The following TBC1D10C variants were observed in gnomAD, a reference collection of about 807,000 sequenced individuals.
The protein encoded by TBC1D10C is carabin.
In TBC1D10C, 49 loss-of-function variants were observed where a neutral mutation model predicts 51.0. The ratio of observed to expected loss-of-function variants is 0.96; its 90% CI spans 0.76 to 1.22. The LOEUF is 1.22. Ranked by LOEUF, TBC1D10C falls within the 50% of genes most tolerant of loss-of-function variation. The pLI is 0.00. For missense variants in TBC1D10C, 541 were observed against 617.5 expected, an observed-to-expected ratio of 0.88 and a Z score of 1.31; for synonymous variants, 281 against 266.7, an observed-to-expected ratio of 1.05 and a Z score of -0.52.
At chr11:67,409,351 A>C in intron 8 of TBC1D10C, 56 bp from the exon 9 acceptor site, 1 of 1,513,874 alleles carries the variant, frequency 6.6e-7, no homozygotes, top group South Asian at 1.2e-5. Flanking sequence ...GGGACCTCAC[A>C]GTTTCCTGTT....
rs1863053980 is a variant in TBC1D10C, at chr11:67,404,355, G to A, written c.152+1G>A. 1.9e-6 allele frequency: 3 copies of A among 1,572,740 alleles called. No homozygotes were observed. Among genetic ancestry groups the A allele is most frequent in the Non-Finnish European group, 2.6e-6 (3 of 1,152,786 alleles). ...TTGGGGGCAGCTCAGCAGAGCCAGG[G>A]TAAGGGGGCAGGGTGAGGGCTGGCG... On this transcript the variant is annotated splice_donor_variant, in intron 1 of 8. Transcript: ENST00000542590. LOFTEE classifies it high-confidence loss of function.
chr11:67,406,829 G>A lies in TBC1D10C; in HGVS notation c.651G>A (p.Glu217=), dbSNP rs750768580. Reference sequence around the variant, plus strand: ...CCTGCTGATGGACGTGGCCACAGGAGGCTGTGCGGCTGGACGCCGAGGTGT... The same window carrying A: ...CCTGCTGATGGACGTGGCCACAGGAAGCTGTGCGGCTGGACGCCGAGGTGT... ...YLPGYYGPHM[E]AVRLDAEVFM... The change falls in exon 7 of 9, where the codon GAG becomes GAA. Residue 217 remains glutamate, a splice_region_variant and synonymous_variant. Coordinates refer to ENST00000542590, the MANE Select transcript of TBC1D10C (RefSeq NM_001369496.1). 1 of 1,608,326 alleles carries A rather than the reference G, an allele frequency of 6.2e-7. No individual in the cohort carries two copies.
Position 67,405,597 on chromosome 11 carries a change from G to C in TBC1D10C, c.363G>C (p.Glu121Asp). Residue 121 changes from glutamate (E) to aspartate (D), a missense_variant and splice_region_variant, in exon 4 of 9, where the codon GAG becomes GAC. Physicochemically the swap from Glu to Asp is conservative, Grantham distance 45 (BLOSUM62 2). Coordinates refer to ENST00000542590, the MANE Select transcript of TBC1D10C (RefSeq NM_001369496.1). ...CQKNSPGTYQELAEAPGDPQW... is the reference protein window; with the variant it reads ...CQKNSPGTYQDLAEAPGDPQW... ...CCCACCTTCCTGGCTACCCACAGGA[G>C]CTGGCAGAGGCCCCTGGAGACCCAC... 1 of 1,613,996 alleles carries C rather than the reference G, an allele frequency of 6.2e-7. No homozygotes were observed. Among genetic ancestry groups the C allele is most frequent in the African/African-American group, 1.3e-5 (1 of 75,062 alleles).
chr11:67,409,780 A>G lies in TBC1D10C; in HGVS notation c.*26A>G. ...GAGGACCATGGACTTAGTGTCCCCCAGTCTCAATTGCCTGATGGCTGATGC... is the reference window on the plus strand; with the variant it reads ...GAGGACCATGGACTTAGTGTCCCCCGGTCTCAATTGCCTGATGGCTGATGC... On this transcript the variant is annotated 3_prime_UTR_variant, in exon 9 of 9. Transcript: ENST00000542590. 1 of 1,532,908 alleles carries G rather than the reference A, an allele frequency of 6.5e-7. No homozygotes were observed. Among genetic ancestry groups the G allele is most frequent in the Non-Finnish European group, 8.7e-7 (1 of 1,148,142 alleles). 95.0% of individuals were successfully genotyped at this position (1,532,908 alleles called of 1,614,324 possible). A position where few individuals can be genotyped will look rare whatever the true frequency, so the allele number is the denominator to read the frequency against.
In TBC1D10C at chr11:67,409,734, T is replaced by G. The variant is rs762170515; in HGVS notation, c.1321T>G (p.Phe441Val). 6.3e-7 allele frequency: 1 copy of G among 1,586,826 alleles called. No individual in the cohort carries two copies. Among genetic ancestry groups the G allele is most frequent in the Non-Finnish European group, 8.5e-7 (1 of 1,176,176 alleles). Reference protein sequence around the residue: ...PPRPQRGSTSFLDTRF With the variant: ...PPRPQRGSTSVLDTRF ...CAGGCCCCAACGAGGCTCCACCTCC[T>G]TCCTGGACACCCGCTTCTGAGAGGA... The change falls in exon 9 of 9, where the codon TTC (phenylalanine) becomes GTC (valine). Residue 441 changes from phenylalanine to valine, a missense_variant. Physicochemically the swap from Phe to Val is conservative, Grantham distance 50. Coordinates refer to ENST00000542590, the MANE Select transcript of TBC1D10C (RefSeq NM_001369496.1).
intron 5 of TBC1D10C, 141 bp from the exon 6 acceptor site, chr11:67,406,486 G>T: frequency 1.4e-6 from 1 of 721,386 alleles, no homozygotes; most frequent in East Asian, 2.7e-5. Context: ...TCCAGGAACT[G>T]CGCAGGTTAG....
At position 67,405,416 on chromosome 11, in the gene TBC1D10C, G is replaced by T. The variant is rs1863110744; in HGVS notation, c.270G>T (p.Arg90=). 1 of 1,613,466 alleles carries T rather than the reference G, an allele frequency of 6.2e-7. No individual in the cohort carries two copies. Among genetic ancestry groups the T allele is most frequent in the Admixed American group, 1.7e-5 (1 of 59,988 alleles). ...RRYKKVKMQC[R]KGIPSALRAR... The stretch of plus-strand genomic sequence containing the variant: ...ACCCACAGGTAAAGATGCAGTGCCG[G>T]AAAGGCATCCCGTCTGCCCTGCGCG... Residue 90 remains arginine (R), a synonymous_variant, in exon 3 of 9, where the codon CGG becomes CGT. Coordinates refer to ENST00000542590, the MANE Select transcript of TBC1D10C (RefSeq NM_001369496.1).
At chr11:67,407,100 G>C in intron 7 of TBC1D10C, 84 bp downstream of exon 7, 2 of 1,456,266 alleles carry the variant, frequency 1.4e-6, no homozygotes, top group Non-Finnish European at 1.8e-6. Context: ...TTCCCTTTTT[G>C]AGCCTCAAAT....
In TBC1D10C at chr11:67,406,654, T is replaced by C; in HGVS notation, c.610T>C (p.Cys204Arg). The C allele has an allele frequency of 6.3e-7, 1 of 1,576,372 alleles. No individual in the cohort carries two copies. The change falls in exon 6 of 9, where the codon TGT becomes CGT. Residue 204 changes from cysteine to arginine, a missense_variant. Transcript: ENST00000542590. ...EEAFWCLVQI[C>R]EVYLPGYYGP... ...GGCCTTCTGGTGCCTGGTGCAGATC[T>C]GTGAGGTCTACCTCCCTGGGTACTA... is the stretch of plus-strand genomic sequence containing the variant.
At chr11:67,407,777 C>T (rs527696892) in intron 7 of TBC1D10C, 1 of 152,490 alleles carries the variant, frequency 6.6e-6, no homozygotes, top group African/African-American at 2.4e-5. Context: ...CACCTGCATT[C>T]TGTTCTATAT....
At position 67,409,134 on chromosome 11, in the gene TBC1D10C, G is replaced by T; in HGVS notation, c.993+1G>T. On this transcript the variant is annotated splice_donor_variant, in intron 8 of 8. Transcript: ENST00000542590. LOFTEE classifies it high-confidence loss of function. ...GCAGGAGGAGGCCTTCATGTCACAG[G>T]TGGGTACCCCCACCTCTCCTTGGAC... The T allele has an allele frequency of 6.3e-7, 1 of 1,589,212 alleles. No homozygotes were observed.
chr11:67,405,148 G>T lies in TBC1D10C; in HGVS notation c.216G>T (p.Ser72=). The T allele has an allele frequency of 6.4e-7, 1 of 1,551,522 alleles. No individual in the cohort carries two copies. ...AGATGAAGTGGGTGGAGATGACCTCGCACTGGGAGAAAACCATGTCCCGGC... is the reference window on the plus strand; with the variant it reads ...AGATGAAGTGGGTGGAGATGACCTCTCACTGGGAGAAAACCATGTCCCGGC... ...QREMKWVEMT[S]HWEKTMSRRY... The change falls in exon 2 of 9, where the codon TCG becomes TCT. Residue 72 remains serine, a synonymous_variant. Transcript: ENST00000542590.
At chr11:67,405,315 C>G in intron 2 of TBC1D10C, 84 bp from the exon 3 acceptor site, 2 of 1,522,788 alleles carry the variant, frequency 1.3e-6, no homozygotes, top group South Asian at 2.4e-5. Context: ...CAAAGTGGGC[C>G]CCTGCCTGCT....
intron 7 of TBC1D10C, 164 bp downstream of exon 7, chr11:67,407,180 GGCACC>G (rs1863209989): frequency 2.3e-6 from 2 of 858,296 alleles, no homozygotes; most frequent in Non-Finnish European, 3.5e-6. Flanking sequence ...CCATCACCCA[GGCACC>G]GCCTGGTGCA....
chr11:67,405,134 G>A lies in TBC1D10C; in HGVS notation c.202G>A (p.Val68Met). 1.9e-6 allele frequency: 3 copies of A among 1,551,544 alleles called. No individual in the cohort carries two copies. The South Asian group carries it at 3.6e-5, about 18-fold the overall frequency. The part of the protein sequence containing the change: ...DLIRQREMKW[V>M]EMTSHWEKTM... ...CATCCGCCAACGGGAGATGAAGTGG[G>A]TGGAGATGACCTCGCACTGGGAGAA... Residue 68 changes from valine (V) to methionine (M), a missense_variant, in exon 2 of 9, where the codon GTG (valine) becomes ATG (methionine). By Grantham distance (21) the Val-to-Met change is conservative. Coordinates refer to ENST00000542590, the MANE Select transcript of TBC1D10C (RefSeq NM_001369496.1).
chr11:67,406,852 T>C lies in TBC1D10C; in HGVS notation c.674T>C (p.Val225Ala). ...GAGGCTGTGCGGCTGGACGCCGAGGTGTTCATGGCCCTGCTGCGGCGGCTG... is the reference window on the plus strand; with the variant it reads ...GAGGCTGTGCGGCTGGACGCCGAGGCGTTCATGGCCCTGCTGCGGCGGCTG... The part of the protein sequence containing the change: ...HMEAVRLDAE[V>A]FMALLRRLLP... The change falls in exon 7 of 9, where the codon GTG (valine) becomes GCG (alanine). Residue 225 changes from valine to alanine, a missense_variant. Transcript: ENST00000542590. The C allele has an allele frequency of 6.2e-7, 1 of 1,608,700 alleles. No individual in the cohort carries two copies. The highest frequency in any genetic ancestry group is 1.1e-5 in the South Asian group (1 of 90,914).
Position 67,409,102 on chromosome 11 carries a change from C to A in TBC1D10C, c.962C>A (p.Ala321Glu). 1 of 1,600,396 alleles carries A rather than the reference C, an allele frequency of 6.2e-7. No individual in the cohort carries two copies. ...TLGALRAIPPAQLQEEAFMSQ... is the reference protein window; with the variant it reads ...TLGALRAIPPEQLQEEAFMSQ... Reference sequence around the variant, plus strand: ...GGAGCCCTTCGAGCCATCCCCCCCGCGCAGCTGCAGGAGGAGGCCTTCATG... The same window carrying A: ...GGAGCCCTTCGAGCCATCCCCCCCGAGCAGCTGCAGGAGGAGGCCTTCATG... The change falls in exon 8 of 9, where the codon GCG becomes GAG. Residue 321 changes from alanine (A) to glutamate (E), a missense_variant. Coordinates refer to ENST00000542590, the MANE Select transcript of TBC1D10C (RefSeq NM_001369496.1).
rs781225075 is a variant in TBC1D10C, at chr11:67,404,399, CA to C, written c.152+46del. 6.0e-6 allele frequency: 9 copies of C among 1,509,708 alleles called. No individual in the cohort carries two copies. The Admixed American group carries it at 1.0e-4, about 17-fold the overall frequency. The allele number at this position is 1,509,708 out of a possible 1,614,324, so 93.5% of individuals were successfully genotyped here. On this transcript the variant is annotated intron_variant, in intron 1 of 8. Coordinates refer to ENST00000542590, the MANE Select transcript of TBC1D10C (RefSeq NM_001369496.1). ...GCTGGCGGAATGCTGGGACAGAGGA[CA>C]GGGGGCTGAGGGCTGAATTCTGGAG...
Position 67,409,425 on chromosome 11 carries a change from T to G in TBC1D10C, c.1012T>G (p.Ser338Ala). The G allele has an allele frequency of 2.6e-6, 4 of 1,548,942 alleles. No homozygotes were observed. The highest frequency in any genetic ancestry group is 3.5e-6 in the Non-Finnish European group (4 of 1,146,562). Residue 338 changes from serine to alanine, a missense_variant, in exon 9 of 9, where the codon TCA becomes GCA. Transcript: ENST00000542590. The part of the protein sequence containing the change: ...FMSQVHSVVL[S>A]ERDLQREIKA... ...CCCACAGGTGCACAGCGTGGTGCTG[T>G]CAGAGCGGGACCTGCAGCGGGAGAT...
Sources: allele counts gnomAD v4.1 joint callset, GRCh38; gene constraint gnomAD v4.1.1; transcripts MANE v1.5; gene names NCBI Gene and HGNC (gene_info 2026-07-23, HGNC 2026-07-21).